TMTC2: variants seen among roughly 807,000 people sequenced by gnomAD.
The protein encoded by TMTC2 is transmembrane O-mannosyltransferase targeting cadherins 2, also known as protein O-mannosyl-transferase TMTC2.
Under a neutral mutation model 82.4 loss-of-function variants are expected in TMTC2, and 43 were observed. The observed-to-expected ratio is 0.52, with a 90% CI of 0.41 to 0.67. TMTC2 has a LOEUF of 0.67. TMTC2 is among the 30% of genes least tolerant of loss of function. The pLI is 0.00. For missense variants in TMTC2, 919 were observed against 1,012.4 expected (o/e 0.91, Z 1.25); for synonymous variants, 408 against 381.9 (o/e 1.07, Z -0.80).
chr12:83,084,843 A>G (rs1386747198), intron 11 of TMTC2, among the ~76,000 whole-genome samples: 5 of 152,224 alleles, frequency 3.3e-5, no homozygotes, highest in Admixed American at 3.3e-4. Context: ...TGTGTCAACC[A>G]TAAGACTAAG....
chr12:82,864,649 A>C (rs12820397), intron 2 of TMTC2, among the ~76,000 whole-genome samples: 10 of 150,938 alleles, frequency 6.6e-5, no homozygotes, highest in Admixed American at 5.3e-4. Flanking sequence ...CTACAGGCAC[A>C]CACCACCATG....
intron 8 of TMTC2, among the ~76,000 whole-genome samples, chr12:82,994,666 T>A (rs1879539624): frequency 6.6e-6 from 1 of 151,666 alleles, no homozygotes; most frequent in Admixed American, 6.6e-5. Flanking sequence ...TATAAAAACT[T>A]GCATTGGATA....
intron 11 of TMTC2, among the ~76,000 whole-genome samples, chr12:83,089,605 T>G (rs1883773026): frequency 1.3e-5 from 2 of 152,172 alleles, no homozygotes; most frequent in Admixed American, 6.5e-5. Flanking sequence ...TAAGCCAGCA[T>G]GAGGCCTAGG....
chr12:82,875,729 G>A (rs1872450488), intron 2 of TMTC2, among the ~76,000 whole-genome samples: 1 of 152,084 alleles, frequency 6.6e-6, no homozygotes, highest in Non-Finnish European at 1.5e-5. Context: ...GAAGTTCACA[G>A]CAGCTGTAAA....
At chr12:83,000,490 C>T (rs1194824021) in intron 8 of TMTC2, among the ~76,000 whole-genome samples, 2 of 152,218 alleles carry the variant, frequency 1.3e-5, no homozygotes, top group Admixed American at 1.3e-4. Context: ...TGTCTCACAT[C>T]CAGGTCATGC....
At chr12:83,094,274 G>A (rs774321104) in intron 11 of TMTC2, among the ~76,000 whole-genome samples, 1 of 152,234 alleles carries the variant, frequency 6.6e-6, no homozygotes, top group Non-Finnish European at 1.5e-5. Flanking sequence ...CCTTGGCTGA[G>A]CCTTGGAAGA....
chr12:83,116,486 A>G (rs1884766295), intron 11 of TMTC2, among the ~76,000 whole-genome samples: 1 of 152,298 alleles, frequency 6.6e-6, no homozygotes, highest in South Asian at 2.1e-4. Flanking sequence ...TGGTAGATGT[A>G]CTTTTAGTTC....
In TMTC2 at chr12:82,886,796, A is replaced by G. The variant is rs531348924; in HGVS notation, c.655-9022A>G. Among the ~76,000 whole-genome samples, 9 of 152,308 alleles carry G rather than the reference A, an allele frequency of 5.9e-5. No individual in the cohort carries two copies. In the East Asian group the frequency reaches 1.7e-3, roughly 29 times the overall value. On this transcript the variant is annotated intron_variant, in intron 2 of 11. Transcript: ENST00000321196. ...CAACTATGACAACTTGATTATGATG[A>G]AACTTTGATTAATCACATGGATATG...
At chr12:82,792,690 C>A (rs925796496) in intron 1 of TMTC2, among the ~76,000 whole-genome samples, 1 of 151,910 alleles carries the variant, frequency 6.6e-6, no homozygotes, top group Non-Finnish European at 1.5e-5. Context: ...TGCCTCTGCT[C>A]GTCTTGAATG....
chr12:82,906,526 T>G (rs1874319169), intron 3 of TMTC2, among the ~76,000 whole-genome samples: 1 of 151,592 alleles, frequency 6.6e-6, no homozygotes, highest in South Asian at 2.1e-4. Flanking sequence ...TTAGCCGGGT[T>G]TGGTGGCGGG....
chr12:82,779,704 G>C (rs1441262797), intron 1 of TMTC2, among the ~76,000 whole-genome samples: 1 of 152,096 alleles, frequency 6.6e-6, no homozygotes, highest in East Asian at 1.9e-4. Context: ...TTCAAGACCA[G>C]TCTAACCAAT....
At chr12:82,869,686 A>G (rs563687947) in intron 2 of TMTC2, among the ~76,000 whole-genome samples, 6 of 151,874 alleles carry the variant, frequency 4.0e-5, no homozygotes, top group Non-Finnish European at 8.8e-5. Context: ...AATAAATACA[A>G]AAATTAGCAG....
In TMTC2 at chr12:82,896,548, T is replaced by C. The variant is rs574593821; in HGVS notation, c.1385T>C (p.Leu462Pro). ...TTGATTTTTTATGCTACAGCTACAC[T>C]AATTGTTTTTTATGGACTCAAGACT... is the stretch of plus-strand genomic sequence containing the variant. ...KSLIFYATAT[L>P]IVFYGLKTAI... Residue 462 changes from leucine to proline, a missense_variant, in exon 3 of 12, where the codon CTA becomes CCA. By Grantham distance (98) the Leu-to-Pro change is moderately conservative. Coordinates refer to ENST00000321196, the MANE Select transcript of TMTC2 (RefSeq NM_152588.3). The C allele has an allele frequency of 6.2e-7, 1 of 1,614,168 alleles. No individual in the cohort carries two copies. Among genetic ancestry groups the C allele is most frequent in the Admixed American group, 1.7e-5 (1 of 60,026 alleles).
At chr12:83,064,011 CA>C (rs1565874505) in intron 11 of TMTC2, among the ~76,000 whole-genome samples, 2 of 151,216 alleles carry the variant, frequency 1.3e-5, no homozygotes, top group Non-Finnish European at 3.0e-5. Context: ...TCATTAAAGG[CA>C]GAGATCAGAG....
intron 11 of TMTC2, among the ~76,000 whole-genome samples, chr12:83,077,368 T>G (rs1023201898): frequency 6.6e-6 from 1 of 152,116 alleles, no homozygotes; most frequent in Non-Finnish European, 1.5e-5. Flanking sequence ...TCCCCTAGTG[T>G]CTTACACTTA....
chr12:82,976,628 G>T (rs1029897637), intron 7 of TMTC2, among the ~76,000 whole-genome samples: 1 of 151,944 alleles, frequency 6.6e-6, no homozygotes, highest in African/African-American at 2.4e-5. Context: ...CAATATATCT[G>T]GGGCAACTAG....
At chr12:83,101,784 C>CA (rs924686679) in intron 11 of TMTC2, among the ~76,000 whole-genome samples, 2 of 151,994 alleles carry the variant, frequency 1.3e-5, no homozygotes, top group Admixed American at 1.3e-4. Context: ...ATATATGCTT[C>CA]AAAAAATATA....
chr12:82,927,469 C>T (rs143669719), intron 3 of TMTC2, among the ~76,000 whole-genome samples: 209 of 152,230 alleles, frequency 1.4e-3, no homozygotes, highest in African/African-American at 4.8e-3. Flanking sequence ...CTCCTGGTGA[C>T]CATGCTGTGA....
chr12:82,958,354 CAA>C lies in TMTC2; in HGVS notation c.1599-6655_1599-6654del, dbSNP rs750819932. Among the ~76,000 whole-genome samples, 147 of 19,954 alleles carry C rather than the reference CAA, an allele frequency of 7.4e-3. 2 individuals are homozygous for C. The highest frequency in any genetic ancestry group is 0.026 in the African/African-American group (111 of 4,254). 13.1% of individuals were successfully genotyped at this position (19,954 alleles called of 152,430 possible). The stretch of plus-strand genomic sequence containing the variant: ...TAGGTGACAGAGCAAGAGTCTGTCT[CAA>C]AAAAAAAAAAAAAACAAAAAAAACA... On this transcript the variant is annotated intron_variant, in intron 4 of 11. Coordinates refer to ENST00000321196, the MANE Select transcript of TMTC2 (RefSeq NM_152588.3).
Sources: allele counts gnomAD v4.1 joint callset (sites outside exome capture counted in the v4.1 genomes callset), GRCh38; gene constraint gnomAD v4.1.1; transcripts MANE v1.5; gene names NCBI Gene and HGNC (gene_info 2026-07-23, HGNC 2026-07-21).